FGF14: variants seen among roughly 807,000 people sequenced by gnomAD.
FGF14 encodes the protein fibroblast growth factor homologous factor 4.
A neutral mutation model predicts 25.5 loss-of-function variants in FGF14; 5 were observed. That is an observed-to-expected ratio of 0.20 (90% CI 0.10 to 0.41). The LOEUF is 0.41. FGF14 is among the 10% of genes least tolerant of loss of function. The pLI is 1.00. For synonymous variants in FGF14, 138 were observed against 118.3 expected (o/e 1.17, Z -1.08); for missense variants, 222 against 320.1 (o/e 0.69, Z 2.34).
At chr13:101,821,059 C>G in intron 3 of FGF14, among the ~76,000 whole-genome samples, 1 of 148,822 alleles carries the variant, frequency 6.7e-6, no homozygotes, top group Non-Finnish European at 1.5e-5. Context: ...CGCCATTCTC[C>G]TGCCTCAGCC....
At position 101,966,250 on chromosome 13, in the gene FGF14, G is replaced by C. The variant is rs75062290; in HGVS notation, c.209-90954C>G. Among the ~76,000 whole-genome samples the C allele has an allele frequency of 9.3e-3, 1,417 of 152,250 alleles. 10 individuals carry two copies. Among genetic ancestry groups the C allele is most frequent in the Middle Eastern group, 0.027 (8 of 292 alleles). On this transcript the variant is annotated intron_variant, in intron 1 of 4. Coordinates refer to the FGF14 transcript ENST00000376131. Reference sequence around the variant, plus strand: ...TGTTCTTATAAAAATGGGAAATTTAGACACAGAGAAAACACACTTATGCAA... The same window carrying C: ...TGTTCTTATAAAAATGGGAAATTTACACACAGAGAAAACACACTTATGCAA...
intron 1 of FGF14, among the ~76,000 whole-genome samples, chr13:102,087,098 C>A (rs2043943292): frequency 6.6e-6 from 1 of 152,160 alleles, no homozygotes; most frequent in South Asian, 2.1e-4. Flanking sequence ...CAAAAATAAT[C>A]CTGCCATAAT....
chr13:102,385,013 A>G (rs2058268636), intron 1 of FGF14, among the ~76,000 whole-genome samples: 7 of 152,232 alleles, frequency 4.6e-5, no homozygotes, highest in Admixed American at 4.6e-4. Flanking sequence ...CTATAAGGTA[A>G]AAGTATTGGC....
chr13:101,945,617 C>G (rs1368323949), intron 1 of FGF14, among the ~76,000 whole-genome samples: 4 of 152,068 alleles, frequency 2.6e-5, no homozygotes, highest in Admixed American at 2.6e-4. Flanking sequence ...CATGGTCACC[C>G]CATATTACAA....
intron 1 of FGF14, among the ~76,000 whole-genome samples, chr13:102,378,617 ATC>A (rs1453533713): frequency 9.9e-4 from 131 of 132,590 alleles, no homozygotes; most frequent in African/African-American, 3.0e-3. Flanking sequence ...CTATCTATCT[ATC>A]TATCTATCTA....
At chr13:101,823,849 T>G (rs1389856582) in intron 3 of FGF14, among the ~76,000 whole-genome samples, 1 of 149,530 alleles carries the variant, frequency 6.7e-6, no homozygotes, top group Non-Finnish European at 1.5e-5. Flanking sequence ...AGTATCTATA[T>G]TTAGTATAAA....
intron 1 of FGF14, among the ~76,000 whole-genome samples, chr13:101,939,987 G>A (rs982464790): frequency 6.6e-6 from 1 of 152,180 alleles, no homozygotes; most frequent in Non-Finnish European, 1.5e-5. Flanking sequence ...GACAGAACAA[G>A]GTAATTCAGA....
At position 102,305,355 on chromosome 13, in the gene FGF14, A is replaced by T. The variant is rs9585888; in HGVS notation, c.208+96116T>A. Among the ~76,000 whole-genome samples the T allele has an allele frequency of 2.2e-3, 328 of 152,294 alleles. 1 individual carries two copies. Among genetic ancestry groups the T allele is most frequent in the African/African-American group, 7.4e-3 (309 of 41,578 alleles). The stretch of plus-strand genomic sequence containing the variant: ...CTCTGAACTTTAAAAAAAAATTAAG[A>T]AGCATAATTTTCTGCTGTTAATGCA... On this transcript the variant is annotated intron_variant, in intron 1 of 4. Transcript: ENST00000376131.
intron 1 of FGF14, among the ~76,000 whole-genome samples, chr13:102,275,620 T>C (rs562790877): frequency 5.8e-4 from 89 of 152,306 alleles, no homozygotes; most frequent in African/African-American, 2.1e-3. Flanking sequence ...GAACATTAGA[T>C]ATAGAATCGG....
At chr13:101,861,117 A>T (rs369490893) in intron 3 of FGF14, among the ~76,000 whole-genome samples, 5 of 152,176 alleles carry the variant, frequency 3.3e-5, no homozygotes, top group African/African-American at 1.2e-4. Context: ...CTGACCCAGC[A>T]TATTCATCTT....
At chr13:102,389,216 A>G (rs2058376533) in intron 1 of FGF14, among the ~76,000 whole-genome samples, 1 of 152,170 alleles carries the variant, frequency 6.6e-6, no homozygotes, top group South Asian at 2.1e-4. Context: ...GTCAAAGACC[A>G]AACCTTTATA....
intron 1 of FGF14, among the ~76,000 whole-genome samples, chr13:102,231,859 A>G (rs145397361): frequency 6.6e-6 from 1 of 152,172 alleles, no homozygotes; most frequent in African/African-American, 2.4e-5. Context: ...GTAATTCCCA[A>G]CTCACAGGGT....
rs1555369340 is a variant in FGF14 at position 102,161,565 on chromosome 13, T to TGAAGAAGAAA, written c.208+239905_208+239906insTTTCTTCTTC. The stretch of plus-strand genomic sequence containing the variant: ...TATTCTCTATGCAACCAACTTTCTG[T>TGAAGAAGAAA]GAAGAAAGAAAGAAGAAGAAGAAGA... On this transcript the variant is annotated intron_variant, in intron 1 of 4. Transcript: ENST00000376131. 7.1e-5 allele frequency among the ~76,000 whole-genome samples: 7 copies of TGAAGAAGAAA among 97,926 alleles called. 3 individuals are homozygous for TGAAGAAGAAA. Among genetic ancestry groups the TGAAGAAGAAA allele is most frequent in the Non-Finnish European group, 1.7e-4 (7 of 41,954 alleles). 64.2% of individuals were successfully genotyped at this position (97,926 alleles called of 152,430 possible).
chr13:102,311,052 ACAC>A (rs2055738467), intron 1 of FGF14, among the ~76,000 whole-genome samples: 1 of 152,088 alleles, frequency 6.6e-6, no homozygotes. Context: ...ACACACACAC[ACAC>A]AATTTAAAAA....
At chr13:102,334,183 T>C (rs989948356) in intron 1 of FGF14, among the ~76,000 whole-genome samples, 3 of 152,292 alleles carry the variant, frequency 2.0e-5, no homozygotes, top group South Asian at 4.1e-4. Context: ...GCAGCCAAGT[T>C]CAATCAAGTC....
intron 1 of FGF14, among the ~76,000 whole-genome samples, chr13:101,939,463 C>T (rs1405987527): frequency 6.6e-6 from 1 of 152,160 alleles, no homozygotes; most frequent in Admixed American, 6.5e-5. Context: ...ACAGCACATC[C>T]TTTCTGTCCA....
chr13:101,906,946 C>A (rs549887625), intron 1 of FGF14, among the ~76,000 whole-genome samples: 1 of 152,028 alleles, frequency 6.6e-6, no homozygotes, highest in Non-Finnish European at 1.5e-5. Flanking sequence ...CTATGATAAA[C>A]GGCCCTTCCA....
chr13:102,209,249 G>A (rs1468703625), intron 1 of FGF14, among the ~76,000 whole-genome samples: 2 of 152,164 alleles, frequency 1.3e-5, no homozygotes, highest in Non-Finnish European at 2.9e-5. Context: ...CCCAAACCTT[G>A]GGGTATTTGT....
At chr13:102,149,708 G>C (rs7321918) in intron 1 of FGF14, among the ~76,000 whole-genome samples, 130 of 152,336 alleles carry the variant, frequency 8.5e-4, no homozygotes, top group African/African-American at 3.0e-3. Flanking sequence ...CAAAGGCACA[G>C]AGCCCAGACA....
Sources: allele counts gnomAD v4.1 joint callset (sites outside exome capture counted in the v4.1 genomes callset), GRCh38; gene constraint gnomAD v4.1.1; transcripts MANE v1.5; gene names NCBI Gene and HGNC (gene_info 2026-07-23, HGNC 2026-07-21).